Variants in ALPK1 observed in about 807,000 individuals in gnomAD.
ALPK1 encodes the protein alpha kinase 1.
ALPK1 carries 110 observed loss-of-function variants against 120.6 expected under a neutral mutation model. The observed-to-expected ratio is 0.91, with a 90% confidence interval of 0.78 to 1.07. The LOEUF (loss-of-function observed/expected upper bound fraction) is 1.07. Among genes scored for constraint, ALPK1 ranks in the 50% least tolerant of loss-of-function variants. The pLI is 0.00. For missense variants in ALPK1, 1,498 were observed against 1,483.9 expected, an observed-to-expected ratio of 1.01 and a Z score of -0.16; for synonymous variants, 582 against 560.3, an observed-to-expected ratio of 1.04 and a Z score of -0.55.
At chr4:112,369,057 C>T (rs920715492) in intron 2 of ALPK1, among the ~76,000 whole-genome samples, 5 of 152,174 alleles carry the variant, frequency 3.3e-5, no homozygotes, top group Non-Finnish European at 5.9e-5. Flanking sequence ...AGTACTGCTT[C>T]CTCTCTTGAC....
rs567308111 is a variant in ALPK1 at position 112,347,087 on chromosome 4, T to C, written c.-100-30591T>C. Among the ~76,000 whole-genome samples, 9 of 152,382 alleles carry C rather than the reference T, an allele frequency of 5.9e-5. No individual in the cohort carries two copies. The South Asian group carries it at 1.9e-3, about 32-fold the overall frequency. On this transcript the variant is annotated intron_variant, in intron 2 of 15. Transcript: ENST00000650871. ...GGATACTTTTTCCCCAGGAAAAATA[T>C]AGCAGTAGCTGTTTCAGTGTTTTAA...
chr4:112,362,683 GT>G (rs1258831031), intron 2 of ALPK1, among the ~76,000 whole-genome samples: 10 of 152,322 alleles, frequency 6.6e-5, no homozygotes, highest in African/African-American at 2.4e-4. Flanking sequence ...TCAAGAAAAA[GT>G]TCCCTGTCCT....
Position 112,431,306 on chromosome 4 carries a change from T to C in ALPK1, c.1759T>C (p.Ser587Pro). The C allele has an allele frequency of 6.2e-7, 1 of 1,614,202 alleles. No individual in the cohort carries two copies. The highest frequency in any genetic ancestry group is 8.5e-7 in the Non-Finnish European group (1 of 1,180,040). ...GACTTCCAGTGCTTGGAGCAACTTA[T>C]CAGGGTTTAGTTCCTCTGCAAGCTG... is the stretch of plus-strand genomic sequence containing the variant. The part of the protein sequence containing the change: ...SQTSSAWSNL[S>P]GFSSSASWEE... Residue 587 changes from serine (S) to proline (P), a missense_variant, in exon 11 of 16, where the codon TCA (serine) becomes CCA (proline). By Grantham distance (74) the Ser-to-Pro change is moderately conservative. Coordinates refer to ENST00000650871, the MANE Select transcript of ALPK1 (RefSeq NM_025144.4).
intron 4 of ALPK1, among the ~76,000 whole-genome samples, chr4:112,405,533 G>A (rs1733129000): frequency 6.6e-6 from 1 of 151,982 alleles, no homozygotes; most frequent in South Asian, 2.1e-4. Context: ...CCACTGTTTG[G>A]ACTCAACAGT....
chr4:112,424,141 G>A (rs1417507667), intron 6 of ALPK1, 138 bp downstream of exon 6: 7 of 690,814 alleles, frequency 1.0e-5, no homozygotes, highest in South Asian at 2.1e-5. Flanking sequence ...TGCCACTGAT[G>A]AATGAAGAAG....
chr4:112,327,030 G>A (rs1027468201), intron 2 of ALPK1, among the ~76,000 whole-genome samples: 1 of 152,250 alleles, frequency 6.6e-6, no homozygotes, highest in Non-Finnish European at 1.5e-5. Flanking sequence ...ACTCAGTGAA[G>A]CAGTAGGGAG....
intron 2 of ALPK1, among the ~76,000 whole-genome samples, chr4:112,374,565 A>C (rs1320016861): frequency 6.6e-6 from 1 of 152,166 alleles, no homozygotes; most frequent in Non-Finnish European, 1.5e-5. Context: ...CCATTAGAAG[A>C]ATTTGCTTTG....
rs1408643806 is a variant in ALPK1, at chr4:112,425,697, G to A, written c.568G>A (p.Val190Ile). 1.2e-6 allele frequency: 2 copies of A among 1,613,218 alleles called. No homozygotes were observed. Among genetic ancestry groups the A allele is most frequent in the Non-Finnish European group, 1.7e-6 (2 of 1,179,322 alleles). Residue 190 changes from valine (V) to isoleucine (I), a missense_variant, in exon 7 of 16, where the codon GTC (valine) becomes ATC (isoleucine). Val to Ile is a conservative substitution (Grantham distance 29, BLOSUM62 3). Transcript: ENST00000650871. ...TWLYRNESDK[V>I]LVQSVCIQIR... is the part of the protein sequence containing the mutation. The stretch of plus-strand genomic sequence containing the variant: ...GCTGTACAGAAATGAAAGTGACAAG[G>A]TCCTGGTGCAGTCGGTCTGTATACA...
At chr4:112,401,937 A>G (rs1427221745) in intron 4 of ALPK1, among the ~76,000 whole-genome samples, 1 of 152,208 alleles carries the variant, frequency 6.6e-6, no homozygotes, top group Non-Finnish European at 1.5e-5. Flanking sequence ...CATAAACCTT[A>G]AGAAAGGTCA....
Position 112,399,904 on chromosome 4 carries a change from C to T in ALPK1, c.277-11923C>T, listed in dbSNP as rs371479301. 2.6e-5 allele frequency among the ~76,000 whole-genome samples: 4 copies of T among 152,278 alleles called. No individual in the cohort carries two copies. In the East Asian group the frequency reaches 7.7e-4, roughly 29 times the overall value. ...GAGAATGATGGCTTCTAGCTTCATC[C>T]ATGTCCCTGCAAAGGACATGGAGTC... On this transcript the variant is annotated intron_variant, in intron 4 of 15. Transcript: ENST00000650871.
chr4:112,416,027 G>A (rs1036334299), intron 5 of ALPK1, among the ~76,000 whole-genome samples: 4 of 152,196 alleles, frequency 2.6e-5, no homozygotes, highest in African/African-American at 9.6e-5. Context: ...CTCACTCTCA[G>A]TGTTTCACTT....
chr4:112,307,675 C>T (rs1728161962), intron 1 of ALPK1, among the ~76,000 whole-genome samples: 1 of 152,086 alleles, frequency 6.6e-6, no homozygotes, highest in South Asian at 2.1e-4. Context: ...GAATACAGCA[C>T]ACTGATGGGT....
chr4:112,399,606 G>C (rs1732816480), intron 4 of ALPK1, among the ~76,000 whole-genome samples: 1 of 152,102 alleles, frequency 6.6e-6, no homozygotes, highest in Non-Finnish European at 1.5e-5. Context: ...TTTACTTTAA[G>C]TTCTGGGATA....
intron 2 of ALPK1, 190 bp downstream of exon 2, chr4:112,316,042 A>T (rs993301725): frequency 2.0e-5 from 3 of 152,252 alleles, no homozygotes; most frequent in Non-Finnish European, 2.9e-5. Flanking sequence ...TAAAATACAC[A>T]TAATATAAAA....
Position 112,426,461 on chromosome 4 carries a change from T to C in ALPK1, c.623-6T>C, listed in dbSNP as rs748123415. The C allele has an allele frequency of 9.9e-6, 16 of 1,610,718 alleles. No individual in the cohort carries two copies. In the East Asian group the frequency reaches 3.6e-4, roughly 36 times the overall value. On this transcript the variant is annotated splice_polypyrimidine_tract_variant and splice_region_variant and intron_variant, in intron 7 of 15. Coordinates refer to ENST00000650871, the MANE Select transcript of ALPK1 (RefSeq NM_025144.4). Reference sequence around the variant, plus strand: ...TCCCTCTCCCCGCCCCTCTTTTTTTTTTCAGGGATGTGGTACGAAGCAGCA... The same window carrying C: ...TCCCTCTCCCCGCCCCTCTTTTTTTCTTCAGGGATGTGGTACGAAGCAGCA...
rs375849782 is a variant in ALPK1 at position 112,441,014 on chromosome 4, A to C, written c.3636A>C (p.Arg1212Ser). 3.1e-6 allele frequency: 5 copies of C among 1,613,896 alleles called. No homozygotes were observed. Among genetic ancestry groups the C allele is most frequent in the Non-Finnish European group, 4.2e-6 (5 of 1,179,936 alleles). The change falls in exon 15 of 16, where the codon AGA (arginine) becomes AGC (serine). Residue 1212 changes from arginine to serine, a missense_variant. Physicochemically the swap from Arg to Ser is moderately radical, Grantham distance 110. Coordinates refer to ENST00000650871, the MANE Select transcript of ALPK1 (RefSeq NM_025144.4). ...TTTTCACTACCAATTTTGGAAAGAG[A>C]GGAATTTTTTACTTCTTTAATAACC... ...QKVFTTNFGKRGIFYFFNNQH... is the reference protein window; with the variant it reads ...QKVFTTNFGKSGIFYFFNNQH...
chr4:112,387,390 G>A lies in ALPK1; in HGVS notation c.276+4838G>A, dbSNP rs537938705. 2.0e-5 allele frequency among the ~76,000 whole-genome samples: 3 copies of A among 152,314 alleles called. No individual in the cohort carries two copies. The East Asian group carries it at 5.8e-4, about 29-fold the overall frequency. ...TTTGAACATTCCCTGCACAGGTTTG[G>A]GGGTCCTGATGCTGGAGGGAGACTG... On this transcript the variant is annotated intron_variant, in intron 4 of 15. Coordinates refer to ENST00000650871, the MANE Select transcript of ALPK1 (RefSeq NM_025144.4).
At chr4:112,434,746 G>T (rs1428670753) in intron 11 of ALPK1, among the ~76,000 whole-genome samples, 1 of 152,190 alleles carries the variant, frequency 6.6e-6, no homozygotes, top group Non-Finnish European at 1.5e-5. Context: ...ATCAGTAGTA[G>T]CTTCTGTTAT....
intron 2 of ALPK1, among the ~76,000 whole-genome samples, chr4:112,347,260 T>G (rs956179690): frequency 6.6e-6 from 1 of 152,254 alleles, no homozygotes; most frequent in African/African-American, 2.4e-5. Flanking sequence ...CACAGAGTGG[T>G]CTCACATAAA....
Sources: allele counts gnomAD v4.1 joint callset (sites outside exome capture counted in the v4.1 genomes callset), GRCh38; gene constraint gnomAD v4.1.1; transcripts MANE v1.5; gene names NCBI Gene and HGNC (gene_info 2026-07-23, HGNC 2026-07-21).